CATSPERB: variants seen among roughly 807,000 people sequenced by gnomAD.
The protein encoded by CATSPERB is cation channel sperm-associated auxiliary subunit beta.
A neutral mutation model predicts 128.3 loss-of-function variants in CATSPERB; 93 were observed. That is an observed-to-expected ratio of 0.72 (90% confidence interval 0.61 to 0.86). CATSPERB has a LOEUF of 0.86. Among genes scored for constraint, CATSPERB ranks in the 40% least tolerant of loss-of-function variants. CATSPERB has a pLI of 0.00. For synonymous variants in CATSPERB, 381 were observed against 448.8 expected, an observed-to-expected ratio of 0.85 and a Z score of 1.91; for missense variants, 1,153 against 1,329.5, an observed-to-expected ratio of 0.87 and a Z score of 2.06.
intron 17 of CATSPERB, 190 bp downstream of exon 17, chr14:91,636,235 T>G (rs1894371405): frequency 1.9e-6 from 1 of 534,088 alleles, no homozygotes; most frequent in Non-Finnish European, 3.3e-6. Context: ...TGGTGGTGTG[T>G]GCCTGCAGTC....
intron 17 of CATSPERB, among the ~76,000 whole-genome samples, chr14:91,633,560 G>A (rs371158410): frequency 3.3e-4 from 50 of 152,084 alleles, no homozygotes; most frequent in African/African-American, 9.2e-4. Flanking sequence ...TTAGCAAACC[G>A]AGTCCAGAAA....
intron 22 of CATSPERB, among the ~76,000 whole-genome samples, chr14:91,596,256 T>G (rs1425466384): frequency 6.6e-6 from 1 of 151,936 alleles, no homozygotes; most frequent in Non-Finnish European, 1.5e-5. Context: ...CAGGCTGGAG[T>G]GCAGTGGCAC....
At chr14:91,634,220 C>T (rs764232678) in intron 17 of CATSPERB, among the ~76,000 whole-genome samples, 10 of 151,980 alleles carry the variant, frequency 6.6e-5, no homozygotes, top group African/African-American at 9.7e-5. Flanking sequence ...TTAAGAAAAT[C>T]GTAAGAAAGG....
At chr14:91,706,843 A>G (rs1047660194) in intron 6 of CATSPERB, among the ~76,000 whole-genome samples, 13 of 152,130 alleles carry the variant, frequency 8.5e-5, no homozygotes, top group African/African-American at 2.9e-4. Context: ...CCAAGAAGCC[A>G]TAGCAGCTCT....
At chr14:91,655,120 ACCT>A (rs1259169812) in intron 15 of CATSPERB, among the ~76,000 whole-genome samples, 1 of 152,230 alleles carries the variant, frequency 6.6e-6, no homozygotes, top group East Asian at 1.9e-4. Context: ...GGCTTGAGGT[ACCT>A]CCTAATGCAG....
At chr14:91,676,823 T>C (rs1414084145) in intron 11 of CATSPERB, among the ~76,000 whole-genome samples, 1 of 152,188 alleles carries the variant, frequency 6.6e-6, no homozygotes, top group Non-Finnish European at 1.5e-5. Flanking sequence ...CTTCGAACTA[T>C]ACTACAAGTC....
rs1227060904 is a variant in CATSPERB at position 91,641,583 on chromosome 14, C to T, written c.1433-2333G>A. Among the ~76,000 whole-genome samples the T allele has an allele frequency of 1.8e-4, 26 of 148,058 alleles. No individual in the cohort carries two copies. In the South Asian group the frequency reaches 3.5e-3, roughly 20 times the overall value. ...ATTGATCTATATCTCTGTTTTGGTA[C>T]CAGTACCATGCTGTTTTGGTTACTG... On this transcript the variant is annotated intron_variant, in intron 15 of 26. Coordinates refer to ENST00000256343, the MANE Select transcript of CATSPERB (RefSeq NM_024764.4).
intron 7 of CATSPERB, among the ~76,000 whole-genome samples, chr14:91,697,201 C>T (rs1263652761): frequency 6.6e-6 from 1 of 152,108 alleles, no homozygotes; most frequent in Admixed American, 6.5e-5. Flanking sequence ...ATATTCTGCT[C>T]TTGCAGGGCA....
chr14:91,718,487 T>A (rs549696240), intron 5 of CATSPERB, among the ~76,000 whole-genome samples: 5 of 152,204 alleles, frequency 3.3e-5, no homozygotes, highest in African/African-American at 9.6e-5. Flanking sequence ...CCCATCCCAC[T>A]CTCCCAATCC....
At chr14:91,663,639 C>T (rs12882225) in intron 14 of CATSPERB, among the ~76,000 whole-genome samples, 40,023 of 113,914 alleles carry the variant, frequency 0.35, 6,733 homozygotes, top group Admixed American at 0.54. Flanking sequence ...AGTGAGACTC[C>T]GTCTCAAAAA....
intron 10 of CATSPERB, among the ~76,000 whole-genome samples, chr14:91,684,545 T>C (rs111821392): frequency 0.014 from 2,188 of 152,128 alleles, 58 homozygotes; most frequent in African/African-American, 0.049. Flanking sequence ...CTGTATGATC[T>C]GTGTGCAAAA....
chr14:91,712,311 A>C (rs1895853455), intron 5 of CATSPERB, among the ~76,000 whole-genome samples: 1 of 152,212 alleles, frequency 6.6e-6, no homozygotes, highest in Non-Finnish European at 1.5e-5. Context: ...TCACAAAAGC[A>C]TCACCAAACT....
chr14:91,614,018 C>T (rs1893887731), intron 20 of CATSPERB, among the ~76,000 whole-genome samples: 3 of 152,150 alleles, frequency 2.0e-5, no homozygotes, highest in Non-Finnish European at 4.4e-5. Context: ...CTGCATCATT[C>T]TCTTGAGCAG....
chr14:91,690,454 G>A (rs977502862), intron 10 of CATSPERB, among the ~76,000 whole-genome samples: 1 of 152,102 alleles, frequency 6.6e-6, no homozygotes, highest in Non-Finnish European at 1.5e-5. Context: ...TTTCCTCACT[G>A]TTTCTGGCAT....
intron 24 of CATSPERB, among the ~76,000 whole-genome samples, chr14:91,588,410 C>A (rs1595135912): frequency 6.6e-6 from 1 of 152,084 alleles, no homozygotes; most frequent in Non-Finnish European, 1.5e-5. Flanking sequence ...TCCTTCCAGC[C>A]CCATGCTCAG....
chr14:91,581,097 T>A lies in CATSPERB; in HGVS notation c.3143A>T (p.Asp1048Val). 1.2e-6 allele frequency: 2 copies of A among 1,612,996 alleles called. No individual in the cohort carries two copies. The highest frequency in any genetic ancestry group is 1.7e-6 in the Non-Finnish European group (2 of 1,179,552). ...NLIEEFQIYV[D>V]EAPLPFPGHT... Reference sequence around the variant, plus strand: ...TCCTGGGAATGGCAATGGTGCCTCATCAACATAAATCTGCAACAGAAAAAG... The same window carrying A: ...TCCTGGGAATGGCAATGGTGCCTCAACAACATAAATCTGCAACAGAAAAAG... The change falls in exon 27 of 27, where the codon GAT becomes GTT. Residue 1048 changes from aspartate (D) to valine (V), a missense_variant. Physicochemically the swap from Asp to Val is radical, Grantham distance 152. Transcript: ENST00000256343.
intron 5 of CATSPERB, among the ~76,000 whole-genome samples, chr14:91,712,600 C>T (rs1895858317): frequency 6.6e-6 from 1 of 152,190 alleles, no homozygotes; most frequent in Non-Finnish European, 1.5e-5. Context: ...CGTTTACTGT[C>T]ATGCATTTGT....
intron 16 of CATSPERB, among the ~76,000 whole-genome samples, chr14:91,637,837 C>G (rs1027536210): frequency 6.6e-6 from 1 of 151,862 alleles, no homozygotes; most frequent in Non-Finnish European, 1.5e-5. Flanking sequence ...CATAAGGGAA[C>G]TAAGAAACTT....
Position 91,646,896 on chromosome 14 carries a change from T to C in CATSPERB, c.1433-7646A>G, listed in dbSNP as rs141023045. Among the ~76,000 whole-genome samples, 52 of 152,370 alleles carry C rather than the reference T, an allele frequency of 3.4e-4. 1 individual carries two copies. In the East Asian group the frequency reaches 5.0e-3, roughly 15 times the overall value. On this transcript the variant is annotated intron_variant, in intron 15 of 26. Transcript: ENST00000256343. ...TACTCTTAATCAAGAAGTTACATTC[T>C]ATTCATGCTTTAATAAATGTTTGTT... is the stretch of plus-strand genomic sequence containing the variant.
Sources: gnomAD v4.1 joint callset for allele counts (sites outside exome capture counted in the v4.1 genomes callset) on GRCh38, gnomAD v4.1.1 for gene constraint, MANE v1.5 for transcripts, NCBI Gene and HGNC (gene_info 2026-07-23, HGNC 2026-07-21) for gene names.